CD200R1: variants seen among roughly 807,000 people sequenced by gnomAD.
CD200R1 encodes cell surface glycoprotein CD200 receptor 1.
In CD200R1, 30 loss-of-function variants were observed where a neutral mutation model predicts 38.1. That is an observed-to-expected ratio of 0.79 (90% CI 0.59 to 1.07). The LOEUF (loss-of-function observed/expected upper bound fraction) is 1.07, where lower values mean the gene tolerates loss of function less well. Ranked by LOEUF, CD200R1 falls within the 50% of genes least tolerant of loss-of-function variation. The pLI, the probability that CD200R1 is intolerant of heterozygous loss-of-function variation, is 0.00. For synonymous variants in CD200R1, 128 were observed against 152.1 expected (o/e 0.84, Z 1.16); for missense variants, 372 against 415.4 (o/e 0.90, Z 0.91).
intron 5 of CD200R1, among the ~76,000 whole-genome samples, chr3:112,926,136 C>G (rs1940275711): frequency 6.6e-6 from 1 of 152,164 alleles, no homozygotes; most frequent in African/African-American, 2.4e-5. Context: ...AATGAATACA[C>G]AGCAGGAACT....
intron 2 of CD200R1, among the ~76,000 whole-genome samples, chr3:112,933,763 A>C (rs1246184775): frequency 6.6e-6 from 1 of 152,156 alleles, no homozygotes; most frequent in African/African-American, 2.4e-5. Context: ...TTTGTGATTT[A>C]AATGAAAAAT....
At chr3:112,947,001 G>A (rs1940879757) in intron 2 of CD200R1, among the ~76,000 whole-genome samples, 5 of 151,942 alleles carry the variant, frequency 3.3e-5, no homozygotes, top group Admixed American at 3.3e-4. Flanking sequence ...ACACTTAAAT[G>A]CATATTATTA....
At chr3:112,943,770 G>A (rs1940777789) in intron 2 of CD200R1, among the ~76,000 whole-genome samples, 1 of 151,472 alleles carries the variant, frequency 6.6e-6, no homozygotes, top group Admixed American at 6.6e-5. Context: ...TATGAAAGAG[G>A]GTATATTAAC....
intron 2 of CD200R1, among the ~76,000 whole-genome samples, chr3:112,935,413 AGAAATCAATAACAAGAGGAACATTT>A (rs1477983544): frequency 6.6e-6 from 1 of 152,254 alleles, no homozygotes; most frequent in Non-Finnish European, 1.5e-5. Flanking sequence ...GAATAAAATT[AGAAATCAATAACAAGAGGAACATTT>A]GAAACTATAC....
intron 1 of CD200R1, among the ~76,000 whole-genome samples, chr3:112,951,519 A>G (rs1940968448): frequency 6.6e-6 from 1 of 151,820 alleles, no homozygotes; most frequent in African/African-American, 2.4e-5. Flanking sequence ...AAACTATACA[A>G]ACACCTTACA....
chr3:112,943,595 C>T (rs1264211625), intron 2 of CD200R1, among the ~76,000 whole-genome samples: 1 of 151,346 alleles, frequency 6.6e-6, no homozygotes, highest in Non-Finnish European at 1.5e-5. Flanking sequence ...CAAATTAAAT[C>T]CAAATTAAGC....
chr3:112,967,263 T>C (rs1355422273), intron 1 of CD200R1, among the ~76,000 whole-genome samples: 3 of 152,208 alleles, frequency 2.0e-5, no homozygotes, highest in African/African-American at 7.2e-5. Flanking sequence ...TCTATACAGG[T>C]GATTTCCTCT....
Position 112,928,883 on chromosome 3 carries a change from C to T in CD200R1, c.702G>A (p.Val234=). 1.2e-6 allele frequency: 2 copies of T among 1,613,922 alleles called. No individual in the cohort carries two copies. The highest frequency in any genetic ancestry group is 2.2e-5 in the South Asian group (2 of 91,066). ...KSTCHWEVHN[V]STVTCHVSHL... ...GGGAGACGTGGCAGGTCACGGTAGA[C>T]ACATTGTGGACCTCCCAGTGGCATG... The change falls in exon 5 of 8, where the codon GTG becomes GTA. Residue 234 remains valine (V), a synonymous_variant. Coordinates refer to ENST00000308611, the MANE Select transcript of CD200R1 (RefSeq NM_138806.4).
intron 1 of CD200R1, among the ~76,000 whole-genome samples, chr3:112,964,408 C>A (rs970079102): frequency 1.3e-5 from 2 of 152,196 alleles, no homozygotes; most frequent in Admixed American, 6.5e-5. Context: ...AGGGGCAGAG[C>A]TACCCAAGAC....
chr3:112,940,972 CA>C (rs1306689989), intron 2 of CD200R1, among the ~76,000 whole-genome samples: 1 of 151,620 alleles, frequency 6.6e-6, no homozygotes, highest in Admixed American at 6.6e-5. Context: ...ACTATTCAGC[CA>C]TAAAAAATGA....
Position 112,970,739 on chromosome 3 carries a change from G to A in CD200R1, c.67+4052C>T, listed in dbSNP as rs891868223. ...CCTTATTGGGAGGAAATTTATCTACGGTAAACTCTCTCATTTGTTCCCATT... is the reference window on the plus strand; with the variant it reads ...CCTTATTGGGAGGAAATTTATCTACAGTAAACTCTCTCATTTGTTCCCATT... On this transcript the variant is annotated intron_variant, in intron 1 of 7. Transcript: ENST00000308611. Among the ~76,000 whole-genome samples, 53 of 151,988 alleles carry A rather than the reference G, an allele frequency of 3.5e-4. 1 individual carries two copies. Among genetic ancestry groups the A allele is most frequent in the Non-Finnish European group, 1.5e-5 (1 of 67,996 alleles).
Position 112,955,199 on chromosome 3 carries a change from G to A in CD200R1, c.68-7275C>T, listed in dbSNP as rs145787212. On this transcript the variant is annotated intron_variant, in intron 1 of 7. Transcript: ENST00000308611. ...TGTTTCATGTGTAGTTGAGAAAAAC[G>A]TGAATTCTGTAGCTGAAGGATGGAA... Among the ~76,000 whole-genome samples the A allele has an allele frequency of 3.9e-4, 59 of 152,284 alleles. No individual in the cohort carries two copies. In the East Asian group the frequency reaches 0.011, roughly 28 times the overall value.
intron 5 of CD200R1, 23 bp downstream of exon 5, chr3:112,928,793 A>T (rs745797428): frequency 5.9e-5 from 92 of 1,546,314 alleles, no homozygotes; most frequent in Non-Finnish European, 7.7e-5. Flanking sequence ...AAAATAAAAA[A>T]TAAAACTAAA....
chr3:112,952,595 A>T (rs1251828196), intron 1 of CD200R1, among the ~76,000 whole-genome samples: 1 of 151,760 alleles, frequency 6.6e-6, no homozygotes, highest in African/African-American at 2.4e-5. Flanking sequence ...ATGAGAACAC[A>T]TGGACACAGG....
intron 2 of CD200R1, 107 bp from the exon 3 acceptor site, chr3:112,931,278 C>A: frequency 3.1e-6 from 2 of 635,816 alleles, no homozygotes; most frequent in Non-Finnish European, 2.8e-6. Context: ...AATCAGTTAA[C>A]CATAATTAAA....
At chr3:112,938,465 A>G (rs1236956356) in intron 2 of CD200R1, among the ~76,000 whole-genome samples, 1 of 152,154 alleles carries the variant, frequency 6.6e-6, no homozygotes, top group Non-Finnish European at 1.5e-5. Flanking sequence ...ACCATTAGAA[A>G]CTATTATGAA....
chr3:112,930,651 T>C (rs377182475), intron 3 of CD200R1, among the ~76,000 whole-genome samples: 331 of 152,364 alleles, frequency 2.2e-3, no homozygotes, highest in South Asian at 4.6e-3. Context: ...TTCATCACTA[T>C]AGCATAAGCA....
chr3:112,946,799 G>A (rs1351434376), intron 2 of CD200R1, among the ~76,000 whole-genome samples: 2 of 152,156 alleles, frequency 1.3e-5, no homozygotes, highest in African/African-American at 2.4e-5. Context: ...TACCCTAAGA[G>A]TTGAAAACTT....
In CD200R1 at chr3:112,923,812, TCAA is replaced by T. The variant is rs1940222458; in HGVS notation, c.925-16_925-14del. 6.6e-7 allele frequency: 1 copy of T among 1,513,720 alleles called. No individual in the cohort carries two copies. The highest frequency in any genetic ancestry group is 9.0e-7 in the Non-Finnish European group (1 of 1,108,638). 93.8% of individuals were successfully genotyped at this position (1,513,720 alleles called of 1,614,324 possible). ...GCTGCATTTCATCCTAAGAAAGAAC[TCAA>T]AGTTAAAATCAATTCAAAAAATCAT... On this transcript the variant is annotated splice_polypyrimidine_tract_variant and intron_variant, in intron 7 of 7. Coordinates refer to ENST00000308611, the MANE Select transcript of CD200R1 (RefSeq NM_138806.4).
Sources: gnomAD v4.1 joint callset for allele counts (sites outside exome capture counted in the v4.1 genomes callset) on GRCh38, gnomAD v4.1.1 for gene constraint, MANE v1.5 for transcripts, NCBI Gene and HGNC (gene_info 2026-07-23, HGNC 2026-07-21) for gene names.